The following PTGFR variants were observed in gnomAD, a reference collection of about 807,000 sequenced individuals.
PTGFR encodes prostaglandin F2-alpha receptor.
In PTGFR, 15 loss-of-function variants were observed where a neutral mutation model predicts 26.2. That is an observed-to-expected ratio of 0.57 (90% CI 0.38 to 0.88). The LOEUF is 0.88. Among genes scored for constraint, PTGFR ranks in the 40% least tolerant of loss-of-function variants. The pLI, the probability that PTGFR is intolerant of heterozygous loss-of-function variation, is 0.00. For synonymous variants in PTGFR, 165 were observed against 151.1 expected, an observed-to-expected ratio of 1.09 and a Z score of -0.68; for missense variants, 369 against 427.2, an observed-to-expected ratio of 0.86 and a Z score of 1.20.
intron 2 of PTGFR, among the ~76,000 whole-genome samples, chr1:78,529,932 T>C (rs1344306437): frequency 6.6e-6 from 1 of 152,130 alleles, no homozygotes; most frequent in African/African-American, 2.4e-5. Context: ...CTTATGAGAA[T>C]CTAATGCGTG....
At chr1:78,499,960 A>G (rs115695028) in intron 2 of PTGFR, among the ~76,000 whole-genome samples, 12 of 152,354 alleles carry the variant, frequency 7.9e-5, no homozygotes, top group Non-Finnish European at 1.5e-4. Context: ...GGGAAGTATC[A>G]AAGGCAAAGG....
intron 2 of PTGFR, among the ~76,000 whole-genome samples, chr1:78,517,825 G>C (rs957573422): frequency 1.3e-5 from 2 of 152,142 alleles, no homozygotes; most frequent in African/African-American, 4.8e-5. Flanking sequence ...ATCATTTTGG[G>C]TGCTTTGTAG....
chr1:78,533,922 C>A (rs946974601), intron 2 of PTGFR, among the ~76,000 whole-genome samples: 4 of 152,124 alleles, frequency 2.6e-5, no homozygotes, highest in Non-Finnish European at 4.4e-5. Context: ...TTATTCTTTG[C>A]AAGCTGGCAA....
intron 2 of PTGFR, among the ~76,000 whole-genome samples, chr1:78,534,493 G>C (rs1266171049): frequency 6.6e-6 from 1 of 152,086 alleles, no homozygotes; most frequent in East Asian, 1.9e-4. Context: ...TGATTCTTTA[G>C]TAAAATAGTA....
At chr1:78,531,461 A>T (rs966453941) in intron 2 of PTGFR, among the ~76,000 whole-genome samples, 2 of 152,052 alleles carry the variant, frequency 1.3e-5, no homozygotes, top group East Asian at 3.9e-4. Context: ...GCGAAGGCTT[A>T]TGGGGAGATG....
chr1:78,491,774 G>C (rs1300477210), intron 1 of PTGFR, among the ~76,000 whole-genome samples: 1 of 152,230 alleles, frequency 6.6e-6, no homozygotes, highest in Non-Finnish European at 1.5e-5. Context: ...GCGCAGGAAA[G>C]GCTGGCTCCG....
chr1:78,531,200 C>A (rs947488709), intron 2 of PTGFR, among the ~76,000 whole-genome samples: 6 of 152,122 alleles, frequency 3.9e-5, no homozygotes, highest in African/African-American at 7.2e-5. Context: ...ATTGATTAGT[C>A]AGTGAGTTTG....
chr1:78,536,551 T>C lies in PTGFR; in HGVS notation c.944T>C (p.Leu315Pro), dbSNP rs1348244413. Reference sequence around the variant, plus strand: ...CTACGAAAGGCTGTCCTTAAGAATCTCTATAAGCTTGCCAGTCAATGCTGT... The same window carrying C: ...CTACGAAAGGCTGTCCTTAAGAATCCCTATAAGCTTGCCAGTCAATGCTGT... ...ILLRKAVLKNLYKLASQCCGV... is the reference protein window; with the variant it reads ...ILLRKAVLKNPYKLASQCCGV... Residue 315 changes from leucine (L) to proline (P), a missense_variant, in exon 3 of 3, where the codon CTC (leucine) becomes CCC (proline). Physicochemically the swap from Leu to Pro is moderately conservative, Grantham distance 98 (BLOSUM62 -3). Coordinates refer to ENST00000370757, the MANE Select transcript of PTGFR (RefSeq NM_000959.4). The C allele has an allele frequency of 6.2e-7, 1 of 1,613,466 alleles. No homozygotes were observed.
chr1:78,493,522 T>G lies in PTGFR; in HGVS notation c.779T>G (p.Ile260Ser). ...QLLAIMCVSC[I>S]CWSPFLVTMA... Reference sequence around the variant, plus strand: ...CTGGCGATAATGTGTGTCTCCTGTATTTGTTGGAGCCCATTTCTGGTAAGA... The same window carrying G: ...CTGGCGATAATGTGTGTCTCCTGTAGTTGTTGGAGCCCATTTCTGGTAAGA... Residue 260 changes from isoleucine to serine, a missense_variant, in exon 2 of 3, where the codon ATT becomes AGT. Ile to Ser is a moderately radical substitution (Grantham distance 142, BLOSUM62 -2). Coordinates refer to ENST00000370757, the MANE Select transcript of PTGFR (RefSeq NM_000959.4). 6.5e-7 allele frequency: 1 copy of G among 1,541,774 alleles called. No homozygotes were observed. The highest frequency in any genetic ancestry group is 8.7e-7 in the Non-Finnish European group (1 of 1,146,548).
chr1:78,498,181 A>G, intron 2 of PTGFR, among the ~76,000 whole-genome samples: 1 of 152,232 alleles, frequency 6.6e-6, no homozygotes. Context: ...ATGATGGAGT[A>G]ACATGACATC....
chr1:78,516,513 G>A (rs1382056179), intron 2 of PTGFR, among the ~76,000 whole-genome samples: 1 of 152,098 alleles, frequency 6.6e-6, no homozygotes, highest in Non-Finnish European at 1.5e-5. Flanking sequence ...CTGATTGAGA[G>A]CAATCTTTAA....
intron 2 of PTGFR, among the ~76,000 whole-genome samples, chr1:78,499,391 G>C (rs551217694): frequency 6.6e-6 from 1 of 152,178 alleles, no homozygotes; most frequent in East Asian, 1.9e-4. Flanking sequence ...CCCCTAGCAC[G>C]TAAGCTCCTG....
intron 2 of PTGFR, chr1:78,532,358 A>T (rs1003422583): frequency 2.0e-4 from 23 of 113,786 alleles, no homozygotes; most frequent in African/African-American, 8.0e-4. Flanking sequence ...CGTCAAGTAA[A>T]TTCATTTATA....
Position 78,493,397 on chromosome 1 carries a change from G to A in PTGFR, c.654G>A (p.Leu218=), listed in dbSNP as rs1466382831. 6.2e-7 allele frequency: 1 copy of A among 1,613,662 alleles called. No homozygotes were observed. The highest frequency in any genetic ancestry group is 1.1e-5 in the South Asian group (1 of 90,972). The part of the protein sequence containing the change: ...LGLLALGVSL[L]CNAITGITLL... ...TCTTAGCCCTTGGTGTTTCATTGTT[G>A]TGCAATGCAATCACAGGAATTACAC... Residue 218 remains leucine (L), a synonymous_variant, in exon 2 of 3, where the codon TTG becomes TTA. Coordinates refer to ENST00000370757, the MANE Select transcript of PTGFR (RefSeq NM_000959.4).
At chr1:78,492,637 G>T in intron 1 of PTGFR, 35 bp from the exon 2 acceptor site, 1 of 1,078,238 alleles carries the variant, frequency 9.3e-7, no homozygotes, top group Non-Finnish European at 1.3e-6. Context: ...GAGCAGTAAT[G>T]CGGTGTTCAT....
At chr1:78,494,535 T>C (rs915388463) in intron 2 of PTGFR, among the ~76,000 whole-genome samples, 2 of 152,210 alleles carry the variant, frequency 1.3e-5, no homozygotes, top group Non-Finnish European at 2.9e-5. Flanking sequence ...AGGTGCTTGT[T>C]ACTAATGCAG....
chr1:78,509,594 T>C (rs994845069), intron 2 of PTGFR, among the ~76,000 whole-genome samples: 3 of 152,228 alleles, frequency 2.0e-5, no homozygotes, highest in African/African-American at 4.8e-5. Context: ...TTCCGATACA[T>C]CTTAATTTTT....
intron 2 of PTGFR, among the ~76,000 whole-genome samples, chr1:78,525,079 A>G (rs1001970578): frequency 2.0e-5 from 3 of 151,832 alleles, no homozygotes; most frequent in African/African-American, 7.3e-5. Flanking sequence ...AGGATGCCTA[A>G]ACTGAAGCAG....
In PTGFR at chr1:78,530,508, G is replaced by A. The variant is rs540311430; in HGVS notation, c.799-5898G>A. 2.3e-3 allele frequency among the ~76,000 whole-genome samples: 345 copies of A among 152,232 alleles called. 2 individuals carry two copies. The highest frequency in any genetic ancestry group is 1.7e-3 in the South Asian group (8 of 4,820). Reference sequence around the variant, plus strand: ...TAGAGAATTAAAAATGAGCTCTCCTGGTGCCATGGAGGCTAACACACAAAT... The same window carrying A: ...TAGAGAATTAAAAATGAGCTCTCCTAGTGCCATGGAGGCTAACACACAAAT... On this transcript the variant is annotated intron_variant, in intron 2 of 2. Coordinates refer to ENST00000370757, the MANE Select transcript of PTGFR (RefSeq NM_000959.4).
Sources: allele counts gnomAD v4.1 joint callset (sites outside exome capture counted in the v4.1 genomes callset), GRCh38; gene constraint gnomAD v4.1.1; transcripts MANE v1.5; gene names NCBI Gene and HGNC (gene_info 2026-07-23, HGNC 2026-07-21).